Variants in FAM107B observed in about 807,000 individuals in gnomAD.
The protein encoded by FAM107B is family with sequence similarity 107 member B.
FAM107B carries 21 observed loss-of-function variants against 31.5 expected under a neutral mutation model. The ratio of observed to expected loss-of-function variants is 0.67; its 90% CI spans 0.47 to 0.96. The LOEUF is 0.96. Among genes scored for constraint, FAM107B ranks in the 40% least tolerant of loss-of-function variants. The probability of loss-of-function intolerance (pLI) is 0.00; values close to 1 mark genes in which losing one functional copy is unlikely to be tolerated. For missense variants in FAM107B, 452 were observed against 377.1 expected, an observed-to-expected ratio of 1.20 and a Z score of -1.64; for synonymous variants, 157 against 141.5, an observed-to-expected ratio of 1.11 and a Z score of -0.78.
chr10:14,632,515 G>A (rs1338713892), intron 2 of FAM107B, among the ~76,000 whole-genome samples: 1 of 150,658 alleles, frequency 6.6e-6, no homozygotes, highest in South Asian at 2.1e-4. Flanking sequence ...GGAGGCTGAG[G>A]CAGGAGAATG....
At chr10:14,729,706 A>G (rs1164987460) in intron 1 of FAM107B, among the ~76,000 whole-genome samples, 2 of 152,246 alleles carry the variant, frequency 1.3e-5, no homozygotes, top group Admixed American at 6.5e-5. Flanking sequence ...CCAAAAGATT[A>G]TAAATCATTC....
chr10:14,697,900 G>A (rs1343513017), intron 1 of FAM107B, among the ~76,000 whole-genome samples: 3 of 152,178 alleles, frequency 2.0e-5, no homozygotes, highest in Non-Finnish European at 2.9e-5. Flanking sequence ...CAAGGCAGGT[G>A]GATAACTTGA....
chr10:14,629,675 G>A (rs1853302390), intron 2 of FAM107B, among the ~76,000 whole-genome samples: 1 of 149,312 alleles, frequency 6.7e-6, no homozygotes, highest in Non-Finnish European at 1.5e-5. Flanking sequence ...ACCACGCCCG[G>A]CTAATTTTTT....
At chr10:14,590,983 CCATCTCA>C (rs1564590255) in intron 2 of FAM107B, among the ~76,000 whole-genome samples, 3,778 of 86,162 alleles carry the variant, frequency 0.044, 71 homozygotes, top group East Asian at 0.15. Flanking sequence ...GAGCAAAACT[CCATCTCA>C]AAAAAAAAAA....
At chr10:14,728,339 G>T (rs1042449672) in intron 1 of FAM107B, among the ~76,000 whole-genome samples, 1 of 151,314 alleles carries the variant, frequency 6.6e-6, no homozygotes, top group African/African-American at 2.4e-5. Context: ...GGGTGTGTGT[G>T]TGTGTGTGTG....
intron 1 of FAM107B, among the ~76,000 whole-genome samples, chr10:14,715,735 A>G (rs917142026): frequency 1.3e-5 from 2 of 152,186 alleles, no homozygotes; most frequent in African/African-American, 2.4e-5. Context: ...GCCCTTGGAC[A>G]TCAGCACTCC....
intron 2 of FAM107B, among the ~76,000 whole-genome samples, chr10:14,569,341 T>C (rs530010205): frequency 6.6e-6 from 1 of 152,208 alleles, no homozygotes; most frequent in South Asian, 2.1e-4. Flanking sequence ...CCTATCCCCA[T>C]GAAAGGAAGG....
At chr10:14,711,639 G>GC (rs1255076698) in intron 1 of FAM107B, among the ~76,000 whole-genome samples, 2 of 152,116 alleles carry the variant, frequency 1.3e-5, no homozygotes, top group Non-Finnish European at 2.9e-5. Context: ...ATGTATCCCT[G>GC]CTTTTTTTAG....
chr10:14,765,216 T>G (rs530467683), intron 1 of FAM107B, among the ~76,000 whole-genome samples: 167 of 152,372 alleles, frequency 1.1e-3, no homozygotes, highest in Admixed American at 2.8e-3. Context: ...CTTTAAAATT[T>G]GGTTAAATTA....
In FAM107B at chr10:14,661,295, G is replaced by A. The variant is rs79305635; in HGVS notation, c.469+6339C>T. Among the ~76,000 whole-genome samples the A allele has an allele frequency of 4.7e-3, 716 of 152,318 alleles. 6 individuals carry two copies. Among genetic ancestry groups the A allele is most frequent in the African/African-American group, 0.014 (588 of 41,564 alleles). ...TGTGTCAAATTGACTGCGCTAAGGG[G>A]TGCCCAGATTAAACATTATTTCTGG... On this transcript the variant is annotated intron_variant, in intron 2 of 4. Coordinates refer to ENST00000181796, the MANE Select transcript of FAM107B (RefSeq NM_031453.4).
chr10:14,678,932 G>A (rs979861156), intron 1 of FAM107B, among the ~76,000 whole-genome samples: 2 of 152,102 alleles, frequency 1.3e-5, no homozygotes, highest in Non-Finnish European at 2.9e-5. Context: ...AAATTAACAT[G>A]GCAGATACAA....
At chr10:14,598,062 T>G (rs999375004) in intron 2 of FAM107B, among the ~76,000 whole-genome samples, 3 of 152,236 alleles carry the variant, frequency 2.0e-5, no homozygotes, top group African/African-American at 7.2e-5. Context: ...TCCCTTAAAC[T>G]TCTCAGATAT....
intron 2 of FAM107B, among the ~76,000 whole-genome samples, chr10:14,593,463 A>G (rs1387098448): frequency 6.6e-6 from 1 of 152,150 alleles, no homozygotes; most frequent in Non-Finnish European, 1.5e-5. Flanking sequence ...GGATCACTTG[A>G]GGCCAGGAAT....
At chr10:14,735,950 C>T (rs1444708008) in intron 1 of FAM107B, among the ~76,000 whole-genome samples, 1 of 151,908 alleles carries the variant, frequency 6.6e-6, no homozygotes. Flanking sequence ...TTTATTATTA[C>T]AAGAAACCTA....
chr10:14,570,911 A>C (rs1851167171), intron 2 of FAM107B, among the ~76,000 whole-genome samples: 1 of 151,208 alleles, frequency 6.6e-6, no homozygotes, highest in Non-Finnish European at 1.5e-5. Flanking sequence ...GGTGATGGCA[A>C]TGAGCAGAAT....
chr10:14,673,694 T>G (rs184283201), intron 1 of FAM107B, among the ~76,000 whole-genome samples: 1 of 152,324 alleles, frequency 6.6e-6, no homozygotes, highest in Admixed American at 6.5e-5. Context: ...CTATTTTTAG[T>G]TTTTGGAGAA....
At chr10:14,742,594 TC>T (rs1424428364) in intron 1 of FAM107B, among the ~76,000 whole-genome samples, 2 of 152,172 alleles carry the variant, frequency 1.3e-5, no homozygotes, top group African/African-American at 4.8e-5. Context: ...ATGAGTTATT[TC>T]TCTTTTCCTC....
chr10:14,549,719 C>T (rs2131053969), intron 2 of FAM107B, among the ~76,000 whole-genome samples: 1 of 152,290 alleles, frequency 6.6e-6, no homozygotes, highest in Non-Finnish European at 1.5e-5. Flanking sequence ...TCATTCACCA[C>T]CGACAGTGAT....
At chr10:14,609,755 C>T (rs947460937) in intron 2 of FAM107B, among the ~76,000 whole-genome samples, 4 of 152,120 alleles carry the variant, frequency 2.6e-5, no homozygotes, top group African/African-American at 9.7e-5. Context: ...TGTGTGTATA[C>T]CAGAGGCCAG....
Sources: gnomAD v4.1 joint callset for allele counts (sites outside exome capture counted in the v4.1 genomes callset) on GRCh38, gnomAD v4.1.1 for gene constraint, MANE v1.5 for transcripts, NCBI Gene and HGNC (gene_info 2026-07-23, HGNC 2026-07-21) for gene names.